The following NRG1 variants were observed in gnomAD, a reference collection of about 807,000 sequenced individuals.
The protein encoded by NRG1 is neuregulin 1, also known as pro-neuregulin-1, membrane-bound isoform.
A neutral mutation model predicts 63.8 loss-of-function variants in NRG1; 18 were observed. The observed-to-expected ratio is 0.28, with a 90% CI of 0.19 to 0.42. The LOEUF is 0.42. NRG1 is among the 10% of genes least tolerant of loss of function. The pLI is 1.00. For missense variants in NRG1, 762 were observed against 814.7 expected, an observed-to-expected ratio of 0.94 and a Z score of 0.79; for synonymous variants, 302 against 301.3, an observed-to-expected ratio of 1.00 and a Z score of -0.02.
At chr8:32,632,432 C>G (rs993691619) in intron 5 of NRG1, among the ~76,000 whole-genome samples, 1 of 151,876 alleles carries the variant, frequency 6.6e-6, no homozygotes, top group African/African-American at 2.4e-5. Flanking sequence ...GCCTGTAATC[C>G]CAGCTACTCG....
intron 1 of NRG1, among the ~76,000 whole-genome samples, chr8:32,195,953 G>T (rs1041746423): frequency 3.3e-5 from 5 of 152,104 alleles, no homozygotes; most frequent in Admixed American, 1.3e-4. Flanking sequence ...TGAGTGAAGA[G>T]GTTGATGCAA....
intron 1 of NRG1, among the ~76,000 whole-genome samples, chr8:32,365,197 CT>C (rs1438421853): frequency 1.3e-5 from 2 of 152,006 alleles, no homozygotes; most frequent in Non-Finnish European, 2.9e-5. Context: ...CCTGTATTTC[CT>C]TTACTTTGAA....
intron 5 of NRG1, among the ~76,000 whole-genome samples, chr8:32,660,546 A>G (rs1252246604): frequency 6.6e-6 from 1 of 152,226 alleles, no homozygotes; most frequent in Non-Finnish European, 1.5e-5. Context: ...TAAAAAATTC[A>G]CATCATGGAG....
intron 1 of NRG1, among the ~76,000 whole-genome samples, chr8:31,827,401 T>C (rs1824675888): frequency 1.3e-5 from 2 of 152,180 alleles, no homozygotes; most frequent in South Asian, 4.1e-4. Context: ...TGGGCCTTTT[T>C]TTTTCCTTAG....
intron 5 of NRG1, among the ~76,000 whole-genome samples, chr8:32,686,886 C>T (rs1023453364): frequency 6.6e-6 from 1 of 152,110 alleles, no homozygotes; most frequent in Non-Finnish European, 1.5e-5. Flanking sequence ...AATGATACAG[C>T]GATACCACAA....
chr8:31,739,653 G>C (rs193150006), intron 1 of NRG1, among the ~76,000 whole-genome samples: 1 of 152,022 alleles, frequency 6.6e-6, no homozygotes, highest in African/African-American at 2.4e-5. Context: ...CAAGAAAATG[G>C]AGCAATGACA....
At chr8:32,422,779 A>G (rs1453519179) in intron 1 of NRG1, among the ~76,000 whole-genome samples, 1 of 152,208 alleles carries the variant, frequency 6.6e-6, no homozygotes, top group Non-Finnish European at 1.5e-5. Context: ...TGGTTTTTGA[A>G]TTACATTCTG....
At chr8:32,738,287 T>C (rs1343759071) in intron 6 of NRG1, among the ~76,000 whole-genome samples, 1 of 151,922 alleles carries the variant, frequency 6.6e-6, no homozygotes, top group Admixed American at 6.6e-5. Flanking sequence ...ATGCCTAAGT[T>C]CAGAAAAAAC....
chr8:32,483,984 TC>T (rs919676968), intron 1 of NRG1, among the ~76,000 whole-genome samples: 11 of 151,876 alleles, frequency 7.2e-5, no homozygotes, highest in African/African-American at 2.7e-4. Flanking sequence ...GCGCCTGCAG[TC>T]CCAGCTACTA....
chr8:32,547,099 G>C (rs908386257), upstream of NRG1, among the ~76,000 whole-genome samples: 1 of 152,204 alleles, frequency 6.6e-6, no homozygotes, highest in African/African-American at 2.4e-5. Flanking sequence ...TGTAAATTAA[G>C]AGTCTAAGTT....
At chr8:32,205,415 T>C (rs1366989126) in intron 1 of NRG1, among the ~76,000 whole-genome samples, 1 of 152,084 alleles carries the variant, frequency 6.6e-6, no homozygotes, top group African/African-American at 2.4e-5. Flanking sequence ...TTTGTGATAA[T>C]GACAAAACGT....
chr8:32,182,945 G>C (rs1363197493), intron 1 of NRG1, among the ~76,000 whole-genome samples: 2 of 152,126 alleles, frequency 1.3e-5, no homozygotes, highest in Non-Finnish European at 2.9e-5. Flanking sequence ...TTCTATCAAG[G>C]AAATGGGGAG....
At chr8:31,823,297 C>T (rs1310904617) in intron 1 of NRG1, among the ~76,000 whole-genome samples, 1 of 151,974 alleles carries the variant, frequency 6.6e-6, no homozygotes, top group Non-Finnish European at 1.5e-5. Context: ...ACTGCTACTG[C>T]TATCGCAACA....
intron 1 of NRG1, among the ~76,000 whole-genome samples, chr8:32,034,843 CTTT>C (rs1195024270): frequency 6.6e-6 from 1 of 151,006 alleles, no homozygotes; most frequent in Non-Finnish European, 1.5e-5. Flanking sequence ...CTCTTTTCTT[CTTT>C]ATTAGTCTAG....
In NRG1 at chr8:32,613,246, C is replaced by A. The variant is rs141515983; in HGVS notation, c.401-1268C>A. 6.9e-3 allele frequency among the ~76,000 whole-genome samples: 1,056 copies of A among 152,084 alleles called. 13 individuals are homozygous for A. Among genetic ancestry groups the A allele is most frequent in the African/African-American group, 0.024 (986 of 41,518 alleles). Reference sequence around the variant, plus strand: ...CTCCTAATCTGTGATTAGAGAGGATCATCCACACTTAATTTGCAGCAGAAA... The same window carrying A: ...CTCCTAATCTGTGATTAGAGAGGATAATCCACACTTAATTTGCAGCAGAAA... On this transcript the variant is annotated intron_variant, in intron 3 of 11. Transcript: ENST00000356819.
At chr8:32,068,882 G>T (rs186339805) in intron 1 of NRG1, among the ~76,000 whole-genome samples, 1 of 152,350 alleles carries the variant, frequency 6.6e-6, no homozygotes, top group Admixed American at 6.5e-5. Context: ...AGAGAATCTA[G>T]TTCATTACTC....
At chr8:32,001,396 T>C (rs939279870) in intron 1 of NRG1, among the ~76,000 whole-genome samples, 1 of 151,994 alleles carries the variant, frequency 6.6e-6, no homozygotes, top group African/African-American at 2.4e-5. Flanking sequence ...TTGTTCCCCC[T>C]TTGCCTTCTG....
intron 1 of NRG1, among the ~76,000 whole-genome samples, chr8:31,647,460 T>A (rs769611141): frequency 7.2e-5 from 11 of 152,184 alleles, no homozygotes; most frequent in Non-Finnish European, 1.5e-4. Flanking sequence ...AAGCAGCAGA[T>A]GTGGTGGCAG....
intron 1 of NRG1, among the ~76,000 whole-genome samples, chr8:31,841,885 T>C (rs868173408): frequency 6.6e-6 from 1 of 152,144 alleles, no homozygotes; most frequent in East Asian, 1.9e-4. Context: ...AGAGACCAAC[T>C]CCTTCAGTGA....
Sources: allele counts gnomAD v4.1 joint callset (sites outside exome capture counted in the v4.1 genomes callset), GRCh38; gene constraint gnomAD v4.1.1; transcripts MANE v1.5; gene names NCBI Gene and HGNC (gene_info 2026-07-23, HGNC 2026-07-21).